Variants in GIMAP8 observed in about 807,000 individuals in gnomAD.
GIMAP8 encodes GTPase, IMAP family member 8, also known as GTPase IMAP family member 8.
A neutral mutation model predicts 35.6 loss-of-function variants in GIMAP8; 29 were observed. The ratio of observed to expected loss-of-function variants is 0.81; its 90% confidence interval spans 0.61 to 1.11. The LOEUF (loss-of-function observed/expected upper bound fraction) is 1.11, where lower values mean the gene tolerates loss of function less well. Among genes scored for constraint, GIMAP8 ranks in the 50% most tolerant of loss-of-function variants. GIMAP8 has a pLI of 0.00. For synonymous variants in GIMAP8, 335 were observed against 308.7 expected (o/e 1.09, Z -0.89); for missense variants, 811 against 805.0 (o/e 1.01, Z -0.09).
At position 150,473,978 on chromosome 7, in the gene GIMAP8, G is replaced by GTTC. The variant is rs775162096; in HGVS notation, c.683-34_683-33insTTC. On this transcript the variant is annotated intron_variant, in intron 3 of 4. Coordinates refer to ENST00000307271, the MANE Select transcript of GIMAP8 (RefSeq NM_175571.4). ...TGCCCACATCCATATTCAACTGCAG[G>GTTC]AAGAGACTCTGAACCTGTCCATTTG... The GTTC allele has an allele frequency of 3.2e-4, 502 of 1,574,414 alleles. No individual in the cohort carries two copies. The African/African-American group carries it at 5.6e-3, about 18-fold the overall frequency.
At chr7:150,453,412 G>T (rs1801662125) in intron 1 of GIMAP8, among the ~76,000 whole-genome samples, 1 of 152,236 alleles carries the variant, frequency 6.6e-6, no homozygotes, top group Non-Finnish European at 1.5e-5. Context: ...AGGCCCTTGT[G>T]GGCTTTGCCT....
rs564474941 is a variant in GIMAP8 at position 150,474,970 on chromosome 7, C to T, written c.1309+332C>T. On this transcript the variant is annotated intron_variant, in intron 4 of 4. Coordinates refer to ENST00000307271, the MANE Select transcript of GIMAP8 (RefSeq NM_175571.4). Reference sequence around the variant, plus strand: ...ATTCCCACCTATGAGTGAGAATATGCGGTGTTTGGTTTTTTGTTCTTGCGA... The same window carrying T: ...ATTCCCACCTATGAGTGAGAATATGTGGTGTTTGGTTTTTTGTTCTTGCGA... Among the ~76,000 whole-genome samples the T allele has an allele frequency of 3.8e-3, 571 of 151,234 alleles. 4 individuals carry two copies. Among genetic ancestry groups the T allele is most frequent in the African/African-American group, 0.013 (554 of 41,138 alleles).
chr7:150,459,219 T>C (rs1801792809), intron 1 of GIMAP8, among the ~76,000 whole-genome samples: 1 of 152,174 alleles, frequency 6.6e-6, no homozygotes, highest in South Asian at 2.1e-4. Context: ...CTTACCTCCA[T>C]TGTAGAGTAG....
chr7:150,474,503 T>C lies in GIMAP8; in HGVS notation c.1174T>C (p.Cys392Arg). The change falls in exon 4 of 5, where the codon TGT becomes CGT. Residue 392 changes from cysteine (C) to arginine (R), a missense_variant. By Grantham distance (180) the Cys-to-Arg change is radical (BLOSUM62 -3). Transcript: ENST00000307271. ...NKALYGLIQK[C>R]KNRYSAFNYR... ...AGCTCTCTATGGTCTCATCCAGAAGTGTAAAAACAGATATAGTGCCTTCAA... is the reference window on the plus strand; with the variant it reads ...AGCTCTCTATGGTCTCATCCAGAAGCGTAAAAACAGATATAGTGCCTTCAA... The C allele has an allele frequency of 6.2e-7, 1 of 1,613,682 alleles. No homozygotes were observed. The highest frequency in any genetic ancestry group is 1.1e-5 in the South Asian group (1 of 91,048).
intron 1 of GIMAP8, among the ~76,000 whole-genome samples, chr7:150,458,141 GGTGTGTGTGT>G (rs139322450): frequency 7.3e-5 from 11 of 150,756 alleles, no homozygotes; most frequent in African/African-American, 2.7e-4. Flanking sequence ...TGATGTGTGT[GGTGTGTGTGT>G]GTGTGTGTAT....
At position 150,467,227 on chromosome 7, in the gene GIMAP8, G is replaced by T; in HGVS notation, c.529G>T (p.Glu177Ter). The T allele has an allele frequency of 6.2e-7, 1 of 1,614,222 alleles. No homozygotes were observed. Among genetic ancestry groups the T allele is most frequent in the South Asian group, 1.1e-5 (1 of 91,066 alleles). Residue 177 changes from glutamate to a stop codon, truncating the protein, a stop_gained, in exon 2 of 5, where the codon GAG becomes TAG. Coordinates refer to ENST00000307271, the MANE Select transcript of GIMAP8 (RefSeq NM_175571.4). LOFTEE classifies it high-confidence loss of function. ...IFNNKTNSKDEQITQVLELLR... is the reference protein window; with the variant it reads ...IFNNKTNSKD ...CAACAACAAGACCAATAGTAAGGAT[G>T]AGCAGATCACCCAGGTGTTGGAGCT... is the stretch of plus-strand genomic sequence containing the variant.
intron 3 of GIMAP8, among the ~76,000 whole-genome samples, chr7:150,473,165 G>A (rs1384464321): frequency 6.6e-6 from 1 of 152,130 alleles, no homozygotes; most frequent in Non-Finnish European, 1.5e-5. Flanking sequence ...GCTCCCTGCA[G>A]TTGCAGACTC....
At position 150,477,790 on chromosome 7, in the gene GIMAP8, G is replaced by A; in HGVS notation, c.*10G>A. On this transcript the variant is annotated 3_prime_UTR_variant, in exon 5 of 5. Coordinates refer to ENST00000307271, the MANE Select transcript of GIMAP8 (RefSeq NM_175571.4). ...AGGTATTTTACAATAGGTAGCCGAA[G>A]TGCCTGGGGTCTCTTCAATTAGAGA... 6.2e-7 allele frequency: 1 copy of A among 1,604,260 alleles called. No individual in the cohort carries two copies. The highest frequency in any genetic ancestry group is 8.5e-7 in the Non-Finnish European group (1 of 1,174,112).
intron 1 of GIMAP8, among the ~76,000 whole-genome samples, chr7:150,455,114 G>A (rs1801698898): frequency 6.8e-6 from 1 of 146,834 alleles, no homozygotes; most frequent in Admixed American, 6.9e-5. Flanking sequence ...CTTCAGCCTG[G>A]GCAACAAGAG....
intron 1 of GIMAP8, among the ~76,000 whole-genome samples, chr7:150,453,130 T>C (rs1278795511): frequency 6.6e-6 from 1 of 151,896 alleles, no homozygotes; most frequent in Non-Finnish European, 1.5e-5. Flanking sequence ...TAAATAATTA[T>C]AAAATATAAA....
rs1278637187 is a variant in GIMAP8, at chr7:150,478,508, T to C, written c.*728T>C. 1 of 152,206 alleles carries C rather than the reference T, an allele frequency of 6.6e-6. No homozygotes were observed. The highest frequency in any genetic ancestry group is 2.4e-5 in the African/African-American group (1 of 41,444). The allele number at this position is 152,206 out of a possible 1,614,324, so 9.4% of individuals were successfully genotyped here. A position where few individuals can be genotyped will look rare whatever the true frequency, so the allele number is the denominator to read the frequency against. ...AACAGAAATTAGAAGCATAGTAAGA[T>C]TGCCAAAATCAGAGAATCTTGCAAA... On this transcript the variant is annotated 3_prime_UTR_variant, in exon 5 of 5. Coordinates refer to ENST00000307271, the MANE Select transcript of GIMAP8 (RefSeq NM_175571.4).
rs150542748 is a variant in GIMAP8 at position 150,477,546 on chromosome 7, G to C, written c.1764G>C (p.Arg588=). The change falls in exon 5 of 5, where the codon CGG becomes CGC. Residue 588 remains arginine (R), a synonymous_variant. Transcript: ENST00000307271. The part of the protein sequence containing the change: ...FMKNSDNKAL[R]RIFKKCGRRV... ...AGAACTCAGATAACAAAGCCCTTCGGCGCATTTTTAAAAAGTGTGGGCGGC... is the reference window on the plus strand; with the variant it reads ...AGAACTCAGATAACAAAGCCCTTCGCCGCATTTTTAAAAAGTGTGGGCGGC... 5 of 1,614,026 alleles carry C rather than the reference G, an allele frequency of 3.1e-6. No individual in the cohort carries two copies. Among genetic ancestry groups the C allele is most frequent in the Non-Finnish European group, 3.4e-6 (4 of 1,180,030 alleles).
chr7:150,456,216 C>A (rs1424988324), intron 1 of GIMAP8, among the ~76,000 whole-genome samples: 1 of 152,164 alleles, frequency 6.6e-6, no homozygotes, highest in Non-Finnish European at 1.5e-5. Context: ...GCTGCTGTAA[C>A]AAATTGCCAC....
At chr7:150,470,771 G>GATGAGGTTT in intron 2 of GIMAP8, 58 bp from the exon 3 acceptor site, 4 of 256,820 alleles carry the variant, frequency 1.6e-5, no homozygotes, top group East Asian at 6.2e-5. Flanking sequence ...TTTTTTTTCA[G>GATGAGGTTT]TTTGTGGAAG....
rs1416647042 is a variant in GIMAP8, at chr7:150,477,263, C to T, written c.1481C>T (p.Thr494Ile). Residue 494 changes from threonine (T) to isoleucine (I), a missense_variant, in exon 5 of 5, where the codon ACT becomes ATT. By Grantham distance (89) the Thr-to-Ile change is moderately conservative (BLOSUM62 -1). Transcript: ENST00000307271. ...WDGQEVVVVD[T>I]PSFNQMLDVE... The stretch of plus-strand genomic sequence containing the variant: ...GGACAGGAGGTGGTGGTTGTGGACA[C>T]TCCTTCCTTCAACCAGATGCTGGAT... 2 of 1,614,128 alleles carry T rather than the reference C, an allele frequency of 1.2e-6. No individual in the cohort carries two copies. Among genetic ancestry groups the T allele is most frequent in the Non-Finnish European group, 1.7e-6 (2 of 1,180,022 alleles).
At position 150,477,458 on chromosome 7, in the gene GIMAP8, A is replaced by G. The variant is rs757421693; in HGVS notation, c.1676A>G (p.Tyr559Cys). Reference protein sequence around the residue: ...EAIFGADFTKYAIMLFTRKED... With the variant: ...EAIFGADFTKCAIMLFTRKED... ...ATCTTTGGAGCAGACTTTACGAAAT[A>G]CGCGATTATGCTGTTCACCCGGAAG... The change falls in exon 5 of 5, where the codon TAC becomes TGC. Residue 559 changes from tyrosine (Y) to cysteine (C), a missense_variant. Physicochemically the swap from Tyr to Cys is radical, Grantham distance 194. Coordinates refer to ENST00000307271, the MANE Select transcript of GIMAP8 (RefSeq NM_175571.4). 3 of 1,613,650 alleles carry G rather than the reference A, an allele frequency of 1.9e-6. No individual in the cohort carries two copies. Among genetic ancestry groups the G allele is most frequent in the Non-Finnish European group, 2.5e-6 (3 of 1,179,672 alleles).
intron 1 of GIMAP8, among the ~76,000 whole-genome samples, chr7:150,462,142 G>A (rs971857075): frequency 2.8e-4 from 43 of 152,112 alleles, no homozygotes; most frequent in Non-Finnish European, 5.9e-5. Context: ...TAAGGGTGGG[G>A]GAGATAACAA....
intron 2 of GIMAP8, among the ~76,000 whole-genome samples, chr7:150,470,368 T>C (rs1802060471): frequency 6.6e-6 from 1 of 152,210 alleles, no homozygotes; most frequent in Admixed American, 6.5e-5. Context: ...ACCTCCTTTC[T>C]TGATTCCACA....
At chr7:150,454,031 C>A (rs1801676305) in intron 1 of GIMAP8, among the ~76,000 whole-genome samples, 1 of 152,026 alleles carries the variant, frequency 6.6e-6, no homozygotes, top group Admixed American at 6.6e-5. Flanking sequence ...GTGATAGAGA[C>A]CTAAGGGAAG....
Sources: allele counts gnomAD v4.1 joint callset (sites outside exome capture counted in the v4.1 genomes callset), GRCh38; gene constraint gnomAD v4.1.1; transcripts MANE v1.5; gene names NCBI Gene and HGNC (gene_info 2026-07-23, HGNC 2026-07-21).